MATN3: variants seen among roughly 807,000 people sequenced by gnomAD.
The protein encoded by MATN3 is matrilin 3, also known as matrilin-3.
Under a neutral mutation model 45.3 loss-of-function variants are expected in MATN3, and 48 were observed. The ratio of observed to expected loss-of-function variants is 1.06; its 90% CI spans 0.84 to 1.35. MATN3 has a LOEUF of 1.35. MATN3 is among the 40% of genes most tolerant of loss of function. MATN3 has a pLI of 0.00. For synonymous variants in MATN3, 217 were observed against 245.9 expected (o/e 0.88, Z 1.10); for missense variants, 599 against 628.0 (o/e 0.95, Z 0.49).
In MATN3 at chr2:20,006,162, C is replaced by G; in HGVS notation, c.372G>C (p.Val124=). 1 of 1,613,974 alleles carries G rather than the reference C, an allele frequency of 6.2e-7. No individual in the cohort carries two copies. Among genetic ancestry groups the G allele is most frequent in the Non-Finnish European group, 8.5e-7 (1 of 1,179,898 alleles). The change falls in exon 2 of 8, where the codon GTG becomes GTC. Residue 124 remains valine, a synonymous_variant. Transcript: ENST00000407540. The stretch of plus-strand genomic sequence containing the variant: ...TCTTCACAGTGCTAGCATAGTTCAC[C>G]ACTGCCACCCGCGTGTCGGCTGGCC... ...DIGPADTRVA[V]VNYASTVKIE...
At chr2:20,010,066 C>CAA (rs1558376342) in intron 1 of MATN3, among the ~76,000 whole-genome samples, 4 of 5,558 alleles carry the variant, frequency 7.2e-4, no homozygotes, top group Non-Finnish European at 9.9e-4. Context: ...TCTTCAAATA[C>CAA]TAAAAAAAAA....
At position 20,002,159 on chromosome 2, in the gene MATN3, T is replaced by TACACACAC. The variant is rs534707164; in HGVS notation, c.917-80_917-79insGTGTGTGT. The TACACACAC allele has an allele frequency of 1.4e-3, 995 of 722,928 alleles. 20 individuals carry two copies. The highest frequency in any genetic ancestry group is 9.8e-3 in the South Asian group (537 of 54,874). 44.8% of individuals were successfully genotyped at this position (722,928 alleles called of 1,614,324 possible). A position where few individuals can be genotyped will look rare whatever the true frequency, so the allele number is the denominator to read the frequency against. On this transcript the variant is annotated intron_variant, in intron 3 of 7. Transcript: ENST00000407540. ...AATTGTGGGCCACGCCACTTACAGT[T>TACACACAC]ATACACACACACACACACACACACA...
chr2:20,000,377 T>G, intron 5 of MATN3, 64 bp downstream of exon 5: 144 of 1,454,974 alleles, frequency 9.9e-5, no homozygotes, highest in Non-Finnish European at 1.2e-4. Flanking sequence ...TCTTTGCTGG[T>G]GAGTTGCAAG....
At position 19,993,158 on chromosome 2, in the gene MATN3, T is replaced by C; in HGVS notation, c.1414A>G (p.Ile472Val). Residue 472 changes from isoleucine (I) to valine (V), a missense_variant, in exon 8 of 8, where the codon ATT (isoleucine) becomes GTT (valine). By Grantham distance (29) the Ile-to-Val change is conservative (BLOSUM62 3). Coordinates refer to ENST00000407540, the MANE Select transcript of MATN3 (RefSeq NM_002381.5). ...TCATTTATTTTCAACTTCTCCAAAA[T>C]GTCATCAAGTGGCAAGTTGTTAAGG... The part of the protein sequence containing the change: ...LQRLNTKLDD[I>V]LEKLKINEYG... The C allele has an allele frequency of 6.2e-7, 1 of 1,611,604 alleles. No individual in the cohort carries two copies. Among genetic ancestry groups the C allele is most frequent in the Non-Finnish European group, 8.5e-7 (1 of 1,178,180 alleles).
Position 20,005,595 on chromosome 2 carries a change from C to T in MATN3, c.790+149G>A, listed in dbSNP as rs1673081677. The stretch of plus-strand genomic sequence containing the variant: ...TTTAGGTTGGTCGCACACACGCGCG[C>T]ATGCACACGTGCACACACACACACG... On this transcript the variant is annotated intron_variant, in intron 2 of 7. Coordinates refer to ENST00000407540, the MANE Select transcript of MATN3 (RefSeq NM_002381.5). The T allele has an allele frequency of 4.2e-5, 28 of 671,340 alleles. No individual in the cohort carries two copies. The East Asian group carries it at 7.4e-4, about 18-fold the overall frequency. The allele number at this position is 671,340 out of a possible 1,614,324, so 41.6% of individuals were successfully genotyped here.
At chr2:20,005,519 A>G (rs1673079930) in intron 2 of MATN3, among the ~76,000 whole-genome samples, 1 of 152,212 alleles carries the variant, frequency 6.6e-6, no homozygotes, top group South Asian at 2.1e-4. Context: ...TTTTATGAGC[A>G]AACCAAGTTC....
intron 4 of MATN3, 97 bp from the exon 5 acceptor site, chr2:20,000,663 A>G (rs1018813703): frequency 8.1e-7 from 1 of 1,238,826 alleles, no homozygotes; most frequent in Non-Finnish European, 1.1e-6. Context: ...ACATATGAGG[A>G]AAACTTACTG....
chr2:20,010,366 C>T (rs767259917), intron 1 of MATN3, among the ~76,000 whole-genome samples: 5 of 152,118 alleles, frequency 3.3e-5, no homozygotes, highest in Non-Finnish European at 5.9e-5. Flanking sequence ...ATCCTCTATT[C>T]GGGGTGTGGT....
chr2:20,007,276 C>A (rs1673126172), intron 1 of MATN3, among the ~76,000 whole-genome samples: 2 of 151,852 alleles, frequency 1.3e-5, no homozygotes, highest in African/African-American at 4.8e-5. Flanking sequence ...GCCTGGTAAT[C>A]CCAACACTGT....
intron 4 of MATN3, among the ~76,000 whole-genome samples, chr2:20,000,990 G>T (rs187698571): frequency 6.4e-4 from 98 of 152,274 alleles, no homozygotes; most frequent in Middle Eastern, 3.4e-3. Context: ...AAAGGAGCGC[G>T]AGGGAGACCA....
At position 20,002,006 on chromosome 2, in the gene MATN3, AATG is replaced by A. The variant is rs1321299811; in HGVS notation, c.988_990del (p.His330del). 3.7e-6 allele frequency: 6 copies of A among 1,613,526 alleles called. No homozygotes were observed. Among genetic ancestry groups the A allele is most frequent in the Non-Finnish European group, 3.4e-6 (4 of 1,179,510 alleles). ...AAGGTATAACCTTCATAGCACTCAC[AATG>A]ATAAGAGCCACTTCTGTCATTCACA... is the stretch of plus-strand genomic sequence containing the variant. On this transcript the variant is annotated inframe_deletion, in exon 4 of 8. Coordinates refer to ENST00000407540, the MANE Select transcript of MATN3 (RefSeq NM_002381.5).
At chr2:20,006,424 T>C in intron 1 of MATN3, 114 bp from the exon 2 acceptor site, 1 of 735,634 alleles carries the variant, frequency 1.4e-6, no homozygotes, top group East Asian at 2.7e-5. Flanking sequence ...GACCCCAACA[T>C]CACCACTGCC....
At chr2:19,993,225 CT>C in intron 7 of MATN3, 59 bp from the exon 8 acceptor site, 1 of 1,174,752 alleles carries the variant, frequency 8.5e-7, no homozygotes, top group Admixed American at 1.8e-5. Context: ...TATAAACACA[CT>C]TTCAAACACT....
At chr2:20,008,983 G>A (rs1007496454) in intron 1 of MATN3, among the ~76,000 whole-genome samples, 2 of 152,068 alleles carry the variant, frequency 1.3e-5, no homozygotes, top group Non-Finnish European at 2.9e-5. Context: ...CCAACACTTC[G>A]AGAGGCTGAG....
rs1672772547 is a variant in MATN3, at chr2:19,992,268, G to T, written c.*843C>A. The T allele has an allele frequency of 6.6e-6, 1 of 152,108 alleles. No homozygotes were observed. Among genetic ancestry groups the T allele is most frequent in the Non-Finnish European group, 1.5e-5 (1 of 67,992 alleles). 9.4% of individuals were successfully genotyped at this position (152,108 alleles called of 1,614,324 possible). ...CAAATATATAAGTAAAAAAAAGTTA[G>T]ACTTTCAAGCCTGTAATCCCAGCAC... On this transcript the variant is annotated 3_prime_UTR_variant, in exon 8 of 8. Transcript: ENST00000407540.
At chr2:20,005,653 C>A in intron 2 of MATN3, 91 bp downstream of exon 2, 1 of 1,119,004 alleles carries the variant, frequency 8.9e-7, no homozygotes. Flanking sequence ...CATTAAATTT[C>A]CACCAAAAAA....
intron 1 of MATN3, among the ~76,000 whole-genome samples, chr2:20,007,628 C>T (rs930307035): frequency 1.3e-5 from 2 of 152,242 alleles, no homozygotes; most frequent in African/African-American, 4.8e-5. Context: ...GGATTGTGAT[C>T]TGGTATCTAC....
chr2:19,992,156 CG>C lies in MATN3; in HGVS notation c.*954del, dbSNP rs1672770149. The C allele has an allele frequency of 6.6e-6, 1 of 151,852 alleles. No homozygotes were observed. Among genetic ancestry groups the C allele is most frequent in the Admixed American group, 6.6e-5 (1 of 15,258 alleles). The allele number at this position is 151,852 out of a possible 1,614,324, so 9.4% of individuals were successfully genotyped here. A position where few individuals can be genotyped will look rare whatever the true frequency, so the allele number is the denominator to read the frequency against. On this transcript the variant is annotated 3_prime_UTR_variant, in exon 8 of 8. Coordinates refer to ENST00000407540, the MANE Select transcript of MATN3 (RefSeq NM_002381.5). Reference sequence around the variant, plus strand: ...TTTATTATATTAAAGACAATGCAAACGAAAAACAGAATTGAGCAGTGCAAAA... The same window carrying C: ...TTTATTATATTAAAGACAATGCAAACAAAAACAGAATTGAGCAGTGCAAAA...
rs1672866847 is a variant in MATN3 at position 19,996,345 on chromosome 2, A to AAATT, written c.1294+788_1294+789insAATT. On this transcript the variant is annotated intron_variant, in intron 6 of 7. Coordinates refer to ENST00000407540, the MANE Select transcript of MATN3 (RefSeq NM_002381.5). ...AAAGAAATTAAAGAAGACCTAAAAT[A>AAATT]AAATAAAATTAAATTAAATTAAAGA... Among the ~76,000 whole-genome samples the AAATT allele has an allele frequency of 3.3e-5, 5 of 152,230 alleles. No homozygotes were observed. The South Asian group carries it at 8.3e-4, about 25-fold the overall frequency.
Sources: gnomAD v4.1 joint callset for allele counts (sites outside exome capture counted in the v4.1 genomes callset) on GRCh38, gnomAD v4.1.1 for gene constraint, MANE v1.5 for transcripts, NCBI Gene and HGNC (gene_info 2026-07-23, HGNC 2026-07-21) for gene names.